EPHA5: variants seen among roughly 807,000 people sequenced by gnomAD.
EPHA5 encodes the protein ephrin type-A receptor 5.
In EPHA5, 60 loss-of-function variants were observed where a neutral mutation model predicts 105.0. The ratio of observed to expected loss-of-function variants is 0.57; its 90% CI spans 0.46 to 0.71. The LOEUF (loss-of-function observed/expected upper bound fraction) is 0.71, where lower values mean the gene tolerates loss of function less well. Ranked by LOEUF, EPHA5 falls within the 30% of genes least tolerant of loss-of-function variation. EPHA5 has a pLI of 0.00. For missense variants in EPHA5, 1,218 were observed against 1,274.7 expected, an observed-to-expected ratio of 0.96 and a Z score of 0.68; for synonymous variants, 513 against 449.1, an observed-to-expected ratio of 1.14 and a Z score of -1.80.
chr4:65,521,403 T>A (rs981600506), intron 3 of EPHA5, among the ~76,000 whole-genome samples: 2 of 151,974 alleles, frequency 1.3e-5, no homozygotes, highest in African/African-American at 2.4e-5. Flanking sequence ...AGGGATAGCA[T>A]TAGGAAATAT....
At position 65,601,911 on chromosome 4, in the gene EPHA5, A is replaced by C; in HGVS notation, c.640T>G (p.Phe214Val). The C allele has an allele frequency of 6.2e-7, 1 of 1,614,166 alleles. No homozygotes were observed. Among genetic ancestry groups the C allele is most frequent in the South Asian group, 1.1e-5 (1 of 91,080 alleles). Residue 214 changes from phenylalanine (F) to valine (V), a missense_variant, in exon 3 of 17, where the codon TTT becomes GTT. Physicochemically the swap from Phe to Val is conservative, Grantham distance 50. This residue lies in a region of EPHA5 where 971 missense variants were observed against 1,013.5 expected (regional missense o/e 0.96). Coordinates refer to ENST00000613740, the MANE Select transcript of EPHA5 (RefSeq NM_001281766.3). ...GCAATGCAAGCACCAACATCTTGAA[A>C]AGCAAGATAAAATCCCTTTTTGCTT... ...PLSKKGFYLA[F>V]QDVGACIALV...
intron 5 of EPHA5, among the ~76,000 whole-genome samples, chr4:65,486,369 G>A (rs934142688): frequency 9.9e-5 from 15 of 151,418 alleles, no homozygotes; most frequent in Admixed American, 2.0e-4. Context: ...ATCCAAGTGC[G>A]TGTTACTGAA....
intron 14 of EPHA5, among the ~76,000 whole-genome samples, chr4:65,343,577 A>ATTTC (rs1301404352): frequency 6.6e-6 from 1 of 152,174 alleles, no homozygotes; most frequent in Non-Finnish European, 1.5e-5. Context: ...TTTTCTGAGA[A>ATTTC]TTTTTCTCCA....
intron 15 of EPHA5, among the ~76,000 whole-genome samples, chr4:65,333,472 G>A (rs1252756116): frequency 6.6e-6 from 1 of 150,942 alleles, no homozygotes; most frequent in Non-Finnish European, 1.5e-5. Flanking sequence ...CCTTACTCTT[G>A]AAATCTTACT....
At position 65,555,749 on chromosome 4, in the gene EPHA5, C is replaced by T. The variant is rs533875394; in HGVS notation, c.910+45892G>A. 7.7e-5 allele frequency among the ~76,000 whole-genome samples: 11 copies of T among 142,408 alleles called. 2 individuals are homozygous for T. Among genetic ancestry groups the T allele is most frequent in the Admixed American group, 6.1e-4 (9 of 14,872 alleles). The allele number at this position is 142,408 out of a possible 152,430, so 93.4% of individuals were successfully genotyped here. On this transcript the variant is annotated intron_variant, in intron 3 of 16. Coordinates refer to ENST00000613740, the MANE Select transcript of EPHA5 (RefSeq NM_001281766.3). The stretch of plus-strand genomic sequence containing the variant: ...AATTTTTATGTTAAAAATCATGAGG[C>T]CAAACTAGTGCTACAATGAGATATA...
intron 3 of EPHA5, among the ~76,000 whole-genome samples, chr4:65,521,812 C>A (rs1008921341): frequency 3.9e-5 from 6 of 151,954 alleles, no homozygotes; most frequent in African/African-American, 1.4e-4. Flanking sequence ...ACCATTCCCA[C>A]CCTGACAAAT....
chr4:65,561,911 A>C (rs972614508), intron 3 of EPHA5, among the ~76,000 whole-genome samples: 3 of 152,128 alleles, frequency 2.0e-5, no homozygotes, highest in Non-Finnish European at 4.4e-5. Context: ...GAATTTGTCT[A>C]GACTCGCATT....
chr4:65,551,284 AT>A (rs1737893910), intron 3 of EPHA5, among the ~76,000 whole-genome samples: 1 of 95,662 alleles, frequency 1.0e-5, no homozygotes, highest in Non-Finnish European at 2.2e-5. Flanking sequence ...GTGTGTGTAT[AT>A]ATATATATAT....
chr4:65,376,824 A>C (rs1320661491), intron 8 of EPHA5, among the ~76,000 whole-genome samples: 14 of 152,046 alleles, frequency 9.2e-5, no homozygotes, highest in African/African-American at 3.1e-4. Context: ...ATGATGTGCC[A>C]TATGTATAAT....
chr4:65,487,918 T>C (rs1288890488), intron 5 of EPHA5, among the ~76,000 whole-genome samples: 4 of 152,160 alleles, frequency 2.6e-5, no homozygotes, highest in Non-Finnish European at 5.9e-5. Flanking sequence ...TGGTTACAAT[T>C]AGAAGTTTCC....
chr4:65,577,848 C>T (rs1291172565), intron 3 of EPHA5, among the ~76,000 whole-genome samples: 1 of 152,068 alleles, frequency 6.6e-6, no homozygotes, highest in Non-Finnish European at 1.5e-5. Context: ...GGTGCCTTTA[C>T]AAATCCTGTC....
chr4:65,416,808 G>T (rs943314467), intron 6 of EPHA5, among the ~76,000 whole-genome samples: 2 of 152,108 alleles, frequency 1.3e-5, no homozygotes, highest in Non-Finnish European at 2.9e-5. Flanking sequence ...ATATCTAGTG[G>T]ATCAAAACCA....
At chr4:65,418,621 G>T (rs1560516190) in intron 6 of EPHA5, among the ~76,000 whole-genome samples, 1 of 152,010 alleles carries the variant, frequency 6.6e-6, no homozygotes, top group Non-Finnish European at 1.5e-5. Context: ...GACATTCCTA[G>T]AAAGATGACT....
chr4:65,662,078 A>G (rs932822735), intron 1 of EPHA5, among the ~76,000 whole-genome samples: 1 of 151,986 alleles, frequency 6.6e-6, no homozygotes, highest in African/African-American at 2.4e-5. Flanking sequence ...CTCTTAAATC[A>G]TTTTGACTTA....
chr4:65,440,857 T>C (rs191689200), intron 5 of EPHA5, among the ~76,000 whole-genome samples: 1 of 152,074 alleles, frequency 6.6e-6, no homozygotes, highest in African/African-American at 2.4e-5. Context: ...GAGGTGGTAG[T>C]TTGGGGAAGA....
chr4:65,587,351 A>G (rs2149408033), intron 3 of EPHA5, among the ~76,000 whole-genome samples: 1 of 152,268 alleles, frequency 6.6e-6, no homozygotes, highest in South Asian at 2.1e-4. Flanking sequence ...AAACAAAACA[A>G]AAACAACAAA....
intron 1 of EPHA5, among the ~76,000 whole-genome samples, chr4:65,656,571 G>A (rs1035533725): frequency 1.4e-5 from 2 of 146,810 alleles, no homozygotes; most frequent in African/African-American, 5.0e-5. Flanking sequence ...TTTACATGTA[G>A]CATTTTATAT....
intron 16 of EPHA5, among the ~76,000 whole-genome samples, chr4:65,326,037 T>TC (rs1426650858): frequency 2.7e-5 from 4 of 147,700 alleles, no homozygotes; most frequent in African/African-American, 9.9e-5. Context: ...ATCTCATATA[T>TC]ATATGTATAT....
At chr4:65,481,294 T>G (rs1730338540) in intron 5 of EPHA5, among the ~76,000 whole-genome samples, 1 of 152,222 alleles carries the variant, frequency 6.6e-6, no homozygotes, top group South Asian at 2.1e-4. Context: ...CAAGTCTTTT[T>G]CCATGAATTC....
Sources: allele counts gnomAD v4.1 joint callset (sites outside exome capture counted in the v4.1 genomes callset), GRCh38; gene constraint gnomAD v4.1.1; regional missense constraint gnomAD v4.1.1; transcripts MANE v1.5; gene names NCBI Gene and HGNC (gene_info 2026-07-23, HGNC 2026-07-21).